STK24: variants seen among roughly 807,000 people sequenced by gnomAD.
STK24 encodes the protein serine/threonine-protein kinase 24.
In STK24, 21 loss-of-function variants were observed where a neutral mutation model predicts 55.6. That is an observed-to-expected ratio of 0.38 (90% CI 0.27 to 0.54). The LOEUF (loss-of-function observed/expected upper bound fraction) is 0.54, where lower values mean the gene tolerates loss of function less well. Ranked by LOEUF, STK24 falls within the 20% of genes least tolerant of loss-of-function variation. The probability of loss-of-function intolerance (pLI) is 0.79; values close to 1 mark genes in which losing one functional copy is unlikely to be tolerated. For missense variants in STK24, 383 were observed against 538.4 expected (o/e 0.71, Z 2.86); for synonymous variants, 200 against 215.2 (o/e 0.93, Z 0.62).
intron 5 of STK24, among the ~76,000 whole-genome samples, chr13:98,472,696 G>A (rs1201932770): frequency 1.3e-5 from 2 of 152,034 alleles, no homozygotes; most frequent in Non-Finnish European, 2.9e-5. Context: ...TTTTCCTCTG[G>A]AAAAGGTTCT....
chr13:98,457,344 CAGCTGCAAAA>C, intron 9 of STK24, 40 bp from the exon 10 acceptor site: 1 of 1,613,222 alleles, frequency 6.2e-7, no homozygotes, highest in Non-Finnish European at 8.5e-7. Flanking sequence ...TGAAGCACAC[CAGCTGCAAAA>C]CTGGGAAGCA....
At chr13:98,474,507 C>G (rs1167073977) in intron 5 of STK24, among the ~76,000 whole-genome samples, 1 of 152,164 alleles carries the variant, frequency 6.6e-6, no homozygotes, top group Non-Finnish European at 1.5e-5. Context: ...GCCTCCACCC[C>G]TCACCACCAT....
At chr13:98,526,594 C>T (rs1351369212) in intron 1 of STK24, among the ~76,000 whole-genome samples, 1 of 152,110 alleles carries the variant, frequency 6.6e-6, no homozygotes, top group African/African-American at 2.4e-5. Flanking sequence ...TCATTAGAAA[C>T]AAAAAAGCAA....
At chr13:98,483,732 C>A (rs1025537566) in intron 2 of STK24, among the ~76,000 whole-genome samples, 1 of 152,196 alleles carries the variant, frequency 6.6e-6, no homozygotes, top group Admixed American at 6.5e-5. Flanking sequence ...TCAGGGACAG[C>A]GCTGGTGTGC....
intron 1 of STK24, among the ~76,000 whole-genome samples, chr13:98,556,444 T>A (rs79204103): frequency 6.6e-6 from 1 of 152,212 alleles, no homozygotes; most frequent in Non-Finnish European, 1.5e-5. Flanking sequence ...GCCCTTTCAG[T>A]GCTGTGAGCA....
intron 2 of STK24, among the ~76,000 whole-genome samples, chr13:98,512,621 T>C (rs1247028305): frequency 1.3e-5 from 2 of 151,822 alleles, no homozygotes; most frequent in Non-Finnish European, 2.9e-5. Flanking sequence ...AGCCCCTAAC[T>C]TGCTTTCTCC....
At chr13:98,558,427 C>T (rs79902987) in intron 1 of STK24, among the ~76,000 whole-genome samples, 3,968 of 152,246 alleles carry the variant, frequency 0.026, 73 homozygotes, top group South Asian at 0.081. Context: ...AACACCAGAG[C>T]GGTACAACAC....
intron 2 of STK24, among the ~76,000 whole-genome samples, chr13:98,485,050 G>A (rs768196088): frequency 6.6e-6 from 1 of 152,186 alleles, no homozygotes; most frequent in African/African-American, 2.4e-5. Flanking sequence ...CAGGGGGTGG[G>A]ATATTGCATC....
At chr13:98,544,493 C>T (rs966020701) in intron 1 of STK24, among the ~76,000 whole-genome samples, 4 of 152,224 alleles carry the variant, frequency 2.6e-5, no homozygotes, top group African/African-American at 9.6e-5. Context: ...TATCTCATCC[C>T]GCCGGGTAGA....
At chr13:98,498,365 G>A (rs1471681379) in intron 2 of STK24, among the ~76,000 whole-genome samples, 4 of 152,356 alleles carry the variant, frequency 2.6e-5, no homozygotes, top group African/African-American at 9.6e-5. Context: ...TCATCTAAGA[G>A]CAGCTAGGTG....
In STK24 at chr13:98,448,609, C is replaced by T; in HGVS notation, c.*4564G>A. 1 of 362,480 alleles carries T rather than the reference C, an allele frequency of 2.8e-6. No individual in the cohort carries two copies. The highest frequency in any genetic ancestry group is 5.1e-6 in the Non-Finnish European group (1 of 197,884). The allele number at this position is 362,480 out of a possible 1,614,324, so 22.5% of individuals were successfully genotyped here. ...CAAATGACATCTTCCCTCCACCCTG[C>T]CCCTGAAAAACAGTACACACACATC... On this transcript the variant is annotated 3_prime_UTR_variant, in exon 11 of 11. Coordinates refer to ENST00000539966, the MANE Select transcript of STK24 (RefSeq NM_001032296.4).
At chr13:98,462,721 C>G (rs1400458165) in intron 7 of STK24, among the ~76,000 whole-genome samples, 4 of 152,162 alleles carry the variant, frequency 2.6e-5, no homozygotes, top group Non-Finnish European at 5.9e-5. Context: ...CTCCACACCT[C>G]GGTGCCACTT....
At chr13:98,483,344 A>G (rs1894673990) in intron 2 of STK24, among the ~76,000 whole-genome samples, 1 of 151,972 alleles carries the variant, frequency 6.6e-6, no homozygotes, top group Non-Finnish European at 1.5e-5. Flanking sequence ...TTCAGACGTC[A>G]GCCTGCTCCG....
intron 1 of STK24, chr13:98,522,158 G>A: frequency 1.0e-6 from 1 of 965,062 alleles, no homozygotes; most frequent in Non-Finnish European, 1.2e-6. Context: ...CCCCTCCTCT[G>A]GGTAACTTTC....
intron 2 of STK24, among the ~76,000 whole-genome samples, chr13:98,494,833 C>G (rs1395248666): frequency 6.6e-6 from 1 of 152,278 alleles, no homozygotes; most frequent in East Asian, 1.9e-4. Context: ...CCAAGGGCAC[C>G]CGCACTGAGG....
intron 2 of STK24, among the ~76,000 whole-genome samples, chr13:98,490,267 A>G (rs969638350): frequency 1.1e-4 from 16 of 152,202 alleles, no homozygotes; most frequent in African/African-American, 3.6e-4. Context: ...TTATCAGTTT[A>G]ATCTGCAGGC....
At chr13:98,502,407 C>A (rs560185891) in intron 2 of STK24, among the ~76,000 whole-genome samples, 1 of 152,252 alleles carries the variant, frequency 6.6e-6, no homozygotes, top group Non-Finnish European at 1.5e-5. Flanking sequence ...GGAACAAAGA[C>A]CTTTAGAAAC....
At chr13:98,559,420 G>A (rs1391752594) in intron 1 of STK24, among the ~76,000 whole-genome samples, 4 of 152,182 alleles carry the variant, frequency 2.6e-5, no homozygotes, top group Non-Finnish European at 5.9e-5. Context: ...CATGTGAGAC[G>A]TGACTTTGCT....
chr13:98,472,009 A>C (rs1894171270), intron 5 of STK24, among the ~76,000 whole-genome samples: 1 of 152,096 alleles, frequency 6.6e-6, no homozygotes, highest in African/African-American at 2.4e-5. Flanking sequence ...GAGCCATGAG[A>C]CCAGAGCGGC....
Sources: gnomAD v4.1 joint callset for allele counts (sites outside exome capture counted in the v4.1 genomes callset) on GRCh38, gnomAD v4.1.1 for gene constraint, MANE v1.5 for transcripts, NCBI Gene and HGNC (gene_info 2026-07-23, HGNC 2026-07-21) for gene names.